Variants in AOX1 observed in about 807,000 individuals in gnomAD.
AOX1 encodes aldehyde oxidase.
In AOX1, 153 loss-of-function variants were observed where a neutral mutation model predicts 169.5. That is an observed-to-expected ratio of 0.90 (90% CI 0.79 to 1.03). The LOEUF (loss-of-function observed/expected upper bound fraction) is 1.03, where lower values mean the gene tolerates loss of function less well. Ranked by LOEUF, AOX1 falls within the 50% of genes least tolerant of loss-of-function variation. AOX1 has a pLI of 0.00. For synonymous variants in AOX1, 562 were observed against 581.9 expected, an observed-to-expected ratio of 0.97 and a Z score of 0.49; for missense variants, 1,656 against 1,663.9, an observed-to-expected ratio of 1.00 and a Z score of 0.08.
In AOX1 at chr2:200,604,829, A is replaced by G; in HGVS notation, c.803A>G (p.Asn268Ser). The G allele has an allele frequency of 6.2e-7, 1 of 1,613,584 alleles. No homozygotes were observed. Among genetic ancestry groups the G allele is most frequent in the Non-Finnish European group, 8.5e-7 (1 of 1,179,818 alleles). Residue 268 changes from asparagine to serine, a missense_variant, in exon 9 of 35, where the codon AAC becomes AGC. Asn to Ser is a conservative substitution (Grantham distance 46). Transcript: ENST00000374700. ...CCCCAGGCTCCTGTTATCATGGGAA[A>G]CACCTCTGTGGGTATGTAGAACCCC... ...KYPQAPVIMG[N>S]TSVGPEVKFK...
intron 16 of AOX1, among the ~76,000 whole-genome samples, chr2:200,620,334 G>A (rs918294001): frequency 1.3e-5 from 2 of 151,860 alleles, no homozygotes; most frequent in African/African-American, 4.8e-5. Context: ...GAGTAGCTGG[G>A]ATTACAGGCA....
At chr2:200,663,572 A>ACACT (rs1286010281) in intron 31 of AOX1, among the ~76,000 whole-genome samples, 117 of 105,142 alleles carry the variant, frequency 1.1e-3, no homozygotes, top group South Asian at 5.8e-3. Flanking sequence ...ACACACACAC[A>ACACT]CTCTCTCTCT....
intron 4 of AOX1, 126 bp from the exon 5 acceptor site, chr2:200,599,494 G>T (rs1031750966): frequency 2.8e-6 from 2 of 709,532 alleles, no homozygotes; most frequent in East Asian, 3.1e-5. Context: ...GGGCTCCCAG[G>T]GGCCTCTGCT....
intron 20 of AOX1, among the ~76,000 whole-genome samples, chr2:200,633,084 A>G (rs1372671913): frequency 2.0e-5 from 3 of 151,970 alleles, no homozygotes; most frequent in Non-Finnish European, 4.4e-5. Flanking sequence ...TTTAGTAGAG[A>G]CAGGGTTTCA....
At chr2:200,639,161 A>C (rs2035301379) in intron 23 of AOX1, among the ~76,000 whole-genome samples, 1 of 152,234 alleles carries the variant, frequency 6.6e-6, no homozygotes, top group Non-Finnish European at 1.5e-5. Flanking sequence ...CATATTGGAC[A>C]GTGCAGACGC....
At chr2:200,663,007 G>T in intron 31 of AOX1, 38 bp downstream of exon 31, 1 of 1,522,206 alleles carries the variant, frequency 6.6e-7, no homozygotes, top group South Asian at 1.1e-5. Flanking sequence ...GTTGCACTTA[G>T]GATGCACCTA....
Position 200,602,528 on chromosome 2 carries a change from C to T in AOX1, c.498+183C>T, listed in dbSNP as rs552169726. ...ACTTAACCTCATTCATTGAGCTTGC[C>T]TTGGTGGTCGCATAATGAACACCTG... On this transcript the variant is annotated intron_variant, in intron 6 of 34. Transcript: ENST00000374700. Among the ~76,000 whole-genome samples, 15 of 152,246 alleles carry T rather than the reference C, an allele frequency of 9.9e-5. No homozygotes were observed. In the South Asian group the frequency reaches 3.1e-3, roughly 32 times the overall value.
intron 16 of AOX1, among the ~76,000 whole-genome samples, chr2:200,619,473 G>A (rs2034836381): frequency 6.6e-6 from 1 of 152,116 alleles, no homozygotes; most frequent in African/African-American, 2.4e-5. Flanking sequence ...ACCCACCAGG[G>A]CTTAGCAGGC....
rs377510909 is a variant in AOX1 at position 200,611,388 on chromosome 2, A to C, written c.1158A>C (p.Gly386=). The change falls in exon 13 of 35, where the codon GGA becomes GGC. Residue 386 remains glycine, a synonymous_variant. Transcript: ENST00000374700. ...AAGTGTCATTTCTTTCCACAGAAGG[A>C]AAACGACAGATTCCTTTAAATGAGC... ...NCTLNLLSKE[G]KRQIPLNEQF... The C allele has an allele frequency of 8.7e-6, 14 of 1,610,550 alleles. No homozygotes were observed. In the African/African-American group the frequency reaches 1.9e-4, roughly 22 times the overall value.
intron 7 of AOX1, 90 bp downstream of exon 7, chr2:200,603,446 T>G: frequency 1.0e-6 from 1 of 976,860 alleles, no homozygotes; most frequent in Non-Finnish European, 1.6e-6. Context: ...CTACCCAAGT[T>G]GACTAACTTG....
downstream of AOX1, among the ~76,000 whole-genome samples, chr2:200,672,243 C>T (rs1275912343): frequency 6.6e-6 from 1 of 152,134 alleles, no homozygotes; most frequent in Non-Finnish European, 1.5e-5. Flanking sequence ...TACTAAAAAC[C>T]ACTGAATTGT....
intron 10 of AOX1, among the ~76,000 whole-genome samples, chr2:200,608,019 C>T (rs1287073247): frequency 2.6e-5 from 4 of 152,128 alleles, no homozygotes; most frequent in African/African-American, 9.7e-5. Flanking sequence ...CTAATGCATG[C>T]AAGGCTTAAA....
chr2:200,668,239 G>A (rs2035959014), intron 32 of AOX1, among the ~76,000 whole-genome samples: 1 of 151,874 alleles, frequency 6.6e-6, no homozygotes, highest in Non-Finnish European at 1.5e-5. Flanking sequence ...CCGAGTAGCT[G>A]GAATTATAGG....
At chr2:200,594,435 C>G (rs2034237179) in intron 2 of AOX1, among the ~76,000 whole-genome samples, 1 of 152,110 alleles carries the variant, frequency 6.6e-6, no homozygotes, top group East Asian at 1.9e-4. Context: ...AAAGGAAGCC[C>G]ACAGGTAGGT....
intron 25 of AOX1, among the ~76,000 whole-genome samples, chr2:200,643,644 A>G (rs1361629451): frequency 6.6e-6 from 1 of 152,202 alleles, no homozygotes; most frequent in Admixed American, 6.5e-5. Context: ...ACTGTCTTCC[A>G]TAGTGGCTGT....
chr2:200,599,520 A>C (rs2034357573), intron 4 of AOX1, 100 bp from the exon 5 acceptor site: 3 of 961,390 alleles, frequency 3.1e-6, no homozygotes, highest in South Asian at 4.0e-5. Context: ...CTTAACATGC[A>C]GACAAATCAC....
Position 200,634,870 on chromosome 2 carries a change from A to G in AOX1, c.2301A>G (p.Gln767=). The change falls in exon 21 of 35, where the codon CAA becomes CAG. Residue 767 remains glutamine, a synonymous_variant. Transcript: ENST00000374700. ...SMLVVPKGED[Q]EMDVYVSTQF... is the part of the protein sequence containing the mutation. ...TTGTCGTTCCCAAGGGAGAGGATCAAGAAATGGATGTCTACGTGTCCACAC... is the reference window on the plus strand; with the variant it reads ...TTGTCGTTCCCAAGGGAGAGGATCAGGAAATGGATGTCTACGTGTCCACAC... 1.9e-6 allele frequency: 3 copies of G among 1,614,134 alleles called. No individual in the cohort carries two copies. The highest frequency in any genetic ancestry group is 2.5e-6 in the Non-Finnish European group (3 of 1,179,986).
chr2:200,596,313 GC>G (rs1381319924), intron 3 of AOX1, among the ~76,000 whole-genome samples: 2 of 152,162 alleles, frequency 1.3e-5, no homozygotes, highest in Non-Finnish European at 1.5e-5. Flanking sequence ...CACCTTCCAT[GC>G]TTTGGGAGAT....
chr2:200,649,997 C>T lies in AOX1; in HGVS notation c.2848-977C>T, dbSNP rs114638591. Among the ~76,000 whole-genome samples, 283 of 152,354 alleles carry T rather than the reference C, an allele frequency of 1.9e-3. 2 individuals carry two copies. Among genetic ancestry groups the T allele is most frequent in the Middle Eastern group, 6.8e-3 (2 of 294 alleles). ...TGGCACAGCATTCCACTGGTGACCA[C>T]ACCTCTCTGCTCATGCCCCAGCAGT... On this transcript the variant is annotated intron_variant, in intron 25 of 34. Transcript: ENST00000374700.
Sources: gnomAD v4.1 joint callset for allele counts (sites outside exome capture counted in the v4.1 genomes callset) on GRCh38, gnomAD v4.1.1 for gene constraint, MANE v1.5 for transcripts, NCBI Gene and HGNC (gene_info 2026-07-23, HGNC 2026-07-21) for gene names.